PRKACB: variants seen among roughly 807,000 people sequenced by gnomAD.
PRKACB encodes cAMP-dependent protein kinase catalytic subunit beta.
Under a neutral mutation model 51.4 loss-of-function variants are expected in PRKACB, and 16 were observed. The observed-to-expected ratio is 0.31, with a 90% CI of 0.21 to 0.47. The LOEUF (loss-of-function observed/expected upper bound fraction) is 0.47. PRKACB is among the 20% of genes least tolerant of loss of function. PRKACB has a pLI of 1.00. For synonymous variants in PRKACB, 147 were observed against 154.4 expected (o/e 0.95, Z 0.35); for missense variants, 309 against 464.5 (o/e 0.67, Z 3.08).
chr1:84,181,802 G>C, intron 2 of PRKACB: 2 of 1,084,726 alleles, frequency 1.8e-6, no homozygotes, highest in Non-Finnish European at 2.5e-6. Flanking sequence ...CATTAAGTCT[G>C]TATGGCTTCT....
chr1:84,185,270 T>C (rs1664751305), intron 5 of PRKACB, 88 bp downstream of exon 5: 3 of 945,314 alleles, frequency 3.2e-6, no homozygotes, highest in Middle Eastern at 2.3e-4. Flanking sequence ...CAAAAACTTA[T>C]TTTGTTTGAT....
intron 9 of PRKACB, among the ~76,000 whole-genome samples, chr1:84,223,005 A>C (rs1214053289): frequency 6.6e-6 from 1 of 151,832 alleles, no homozygotes; most frequent in Non-Finnish European, 1.5e-5. Flanking sequence ...ACCTTTTTGG[A>C]TTGTATCTAT....
chr1:84,132,958 T>G (rs1181396700), intron 1 of PRKACB, among the ~76,000 whole-genome samples: 1 of 152,020 alleles, frequency 6.6e-6, no homozygotes, highest in Non-Finnish European at 1.5e-5. Flanking sequence ...AAGAAATATG[T>G]GAAGTAATAA....
chr1:84,141,367 A>G (rs978939188), upstream of PRKACB, among the ~76,000 whole-genome samples: 1 of 152,174 alleles, frequency 6.6e-6, no homozygotes, highest in African/African-American at 2.4e-5. Context: ...TCTTTCTAGC[A>G]GTAGATGCCA....
At chr1:84,102,788 G>C (rs1343963860) in intron 1 of PRKACB, among the ~76,000 whole-genome samples, 1 of 152,170 alleles carries the variant, frequency 6.6e-6, no homozygotes, top group Non-Finnish European at 1.5e-5. Flanking sequence ...AAGCCAGAGA[G>C]TACAGCTAAG....
At chr1:84,095,963 C>T (rs546988465) in intron 1 of PRKACB, among the ~76,000 whole-genome samples, 1 of 151,860 alleles carries the variant, frequency 6.6e-6, no homozygotes, top group South Asian at 2.1e-4. Flanking sequence ...TGTTTGTTCT[C>T]TTATTTTTGG....
chr1:84,135,428 A>G (rs1456519564), intron 1 of PRKACB, among the ~76,000 whole-genome samples: 2 of 152,188 alleles, frequency 1.3e-5, no homozygotes, highest in African/African-American at 4.8e-5. Context: ...TATCAATTTG[A>G]TGTAATTAGC....
intron 8 of PRKACB, among the ~76,000 whole-genome samples, chr1:84,203,499 A>C (rs1670717773): frequency 6.6e-6 from 1 of 151,988 alleles, no homozygotes; most frequent in South Asian, 2.1e-4. Flanking sequence ...GCCTTAGCTC[A>C]GACCTCGGAT....
exon 1 of PRKACB, chr1:84,078,357 G>A: frequency 6.2e-7 from 1 of 1,612,428 alleles, no homozygotes; most frequent in Non-Finnish European, 8.5e-7. Context: ...AAGAAAGGCA[G>A]CGAGGTGGAG....
At chr1:84,131,091 T>C (rs1652137974) in intron 1 of PRKACB, among the ~76,000 whole-genome samples, 1 of 152,176 alleles carries the variant, frequency 6.6e-6, no homozygotes, top group African/African-American at 2.4e-5. Flanking sequence ...GTGCGGTGGC[T>C]CACGCCTGTA....
At chr1:84,130,943 C>T (rs1343845318) in intron 1 of PRKACB, among the ~76,000 whole-genome samples, 2 of 152,130 alleles carry the variant, frequency 1.3e-5, no homozygotes, top group African/African-American at 4.8e-5. Context: ...AAAAAGTTAA[C>T]AATATTGTCT....
chr1:84,089,443 A>G (rs1464827668), intron 1 of PRKACB, among the ~76,000 whole-genome samples: 1 of 152,160 alleles, frequency 6.6e-6, no homozygotes, highest in Non-Finnish European at 1.5e-5. Flanking sequence ...GAAAAACTAG[A>G]GTATTATGCT....
At chr1:84,230,462 T>C (rs1328666486) in intron 9 of PRKACB, among the ~76,000 whole-genome samples, 1 of 152,184 alleles carries the variant, frequency 6.6e-6, no homozygotes, top group Admixed American at 6.5e-5. Context: ...TTTCCAATTC[T>C]GTGAAGAAAG....
chr1:84,191,006 T>C (rs1666625366), intron 5 of PRKACB, among the ~76,000 whole-genome samples: 1 of 152,130 alleles, frequency 6.6e-6, no homozygotes, highest in African/African-American at 2.4e-5. Flanking sequence ...GTGGGTCATT[T>C]AGACCATTTA....
intron 1 of PRKACB, among the ~76,000 whole-genome samples, chr1:84,092,973 A>G (rs1414283081): frequency 6.6e-6 from 1 of 151,742 alleles, no homozygotes; most frequent in African/African-American, 2.4e-5. Context: ...GAGTTATTTA[A>G]CATGGGTACA....
At chr1:84,194,301 A>T (rs1423831517) in intron 5 of PRKACB, among the ~76,000 whole-genome samples, 1 of 152,144 alleles carries the variant, frequency 6.6e-6, no homozygotes, top group East Asian at 1.9e-4. Context: ...TTAATACTTG[A>T]CTTGGTACTA....
At chr1:84,232,741 C>A (rs1675940269) in intron 9 of PRKACB, among the ~76,000 whole-genome samples, 1 of 151,894 alleles carries the variant, frequency 6.6e-6, no homozygotes, top group South Asian at 2.1e-4. Flanking sequence ...CAACCCCTGC[C>A]TTTTTTTGTT....
In PRKACB at chr1:84,237,555, G is replaced by C. The variant is rs1176982380; in HGVS notation, c.*2250G>C. On this transcript the variant is annotated 3_prime_UTR_variant, in exon 10 of 10. Coordinates refer to ENST00000370685, the MANE Select transcript of PRKACB (RefSeq NM_182948.4). ...CCATTTTACTCTCTATTTAAAGGCC[G>C]TGAGCAAGCTTGTCATGAGCAAATA... 4 of 152,258 alleles carry C rather than the reference G, an allele frequency of 2.6e-5. No individual in the cohort carries two copies. The highest frequency in any genetic ancestry group is 5.9e-5 in the Non-Finnish European group (4 of 67,968). 9.4% of individuals were successfully genotyped at this position (152,258 alleles called of 1,614,324 possible).
At chr1:84,213,257 T>C (rs1672396357) in intron 8 of PRKACB, among the ~76,000 whole-genome samples, 1 of 152,098 alleles carries the variant, frequency 6.6e-6, no homozygotes, top group African/African-American at 2.4e-5. Flanking sequence ...GTGGTAGTGA[T>C]GACAAAAAAG....
Sources: allele counts gnomAD v4.1 joint callset (sites outside exome capture counted in the v4.1 genomes callset), GRCh38; gene constraint gnomAD v4.1.1; transcripts MANE v1.5; gene names NCBI Gene and HGNC (gene_info 2026-07-23, HGNC 2026-07-21).